The following ELP6 variants were observed in gnomAD, a reference collection of about 807,000 sequenced individuals.
The protein encoded by ELP6 is elongator acetyltransferase complex subunit 6.
ELP6 carries 23 observed loss-of-function variants against 28.1 expected under a neutral mutation model. The ratio of observed to expected loss-of-function variants is 0.82; its 90% CI spans 0.59 to 1.16. ELP6 has a LOEUF of 1.16. Ranked by LOEUF, ELP6 falls within the 50% of genes most tolerant of loss-of-function variation. The pLI, the probability that ELP6 is intolerant of heterozygous loss-of-function variation, is 0.00. For synonymous variants in ELP6, 132 were observed against 135.8 expected (o/e 0.97, Z 0.19); for missense variants, 313 against 334.6 (o/e 0.94, Z 0.50).
At chr3:47,496,225 G>A (rs199639559) in intron 6 of ELP6, 28 bp from the exon 7 acceptor site, 5 of 1,610,654 alleles carry the variant, frequency 3.1e-6, no homozygotes, top group Non-Finnish European at 3.4e-6. Context: ...AATGAAAGAG[G>A]AGCAGCCACC....
At chr3:47,498,115 A>G in intron 6 of ELP6, 171 bp downstream of exon 6, 1 of 1,359,666 alleles carries the variant, frequency 7.4e-7, no homozygotes, top group Non-Finnish European at 9.9e-7. Flanking sequence ...CATGAGGCTA[A>G]GCGCAATCTG....
chr3:47,499,100 G>A (rs1029917224), intron 5 of ELP6, among the ~76,000 whole-genome samples: 3 of 152,354 alleles, frequency 2.0e-5, no homozygotes, highest in East Asian at 3.9e-4. Context: ...AAAGCTGGCC[G>A]GGGACAGTGG....
chr3:47,495,908 A>C lies in ELP6; in HGVS notation c.*161T>G. 1 of 1,230,234 alleles carries C rather than the reference A, an allele frequency of 8.1e-7. No homozygotes were observed. The highest frequency in any genetic ancestry group is 1.1e-6 in the Non-Finnish European group (1 of 898,326). 76.2% of individuals were successfully genotyped at this position (1,230,234 alleles called of 1,614,324 possible). A position where few individuals can be genotyped will look rare whatever the true frequency, so the allele number is the denominator to read the frequency against. On this transcript the variant is annotated 3_prime_UTR_variant, in exon 7 of 7. Coordinates refer to ENST00000296149, the MANE Select transcript of ELP6 (RefSeq NM_001031703.3). ...TTTCTGAACAGGGCCCAGGGCAGCC[A>C]AGGCATGCCATCACTGCAGCACTCA...
intron 3 of ELP6, among the ~76,000 whole-genome samples, chr3:47,508,540 A>C (rs778704788): frequency 1.3e-5 from 2 of 152,196 alleles, no homozygotes; most frequent in Non-Finnish European, 2.9e-5. Context: ...GGTTTTATCA[A>C]ATGCTTTTTT....
At chr3:47,513,025 C>T (rs1457101816) in intron 1 of ELP6, 32 of 980,936 alleles carry the variant, frequency 3.3e-5, no homozygotes, top group Non-Finnish European at 3.7e-5. Context: ...GAGTCCCGCT[C>T]TGTCGCCCAG....
Position 47,513,594 on chromosome 3 carries a change from G to A in ELP6, c.-4C>T, listed in dbSNP as rs369746715. On this transcript the variant is annotated 5_prime_UTR_variant, in exon 1 of 7. Transcript: ENST00000296149. ...GGTTATTAAGTTCCACGAACATTCC[G>A]AGCTCCTGGGACTAGCGCTCTGGAG... 4 of 1,613,290 alleles carry A rather than the reference G, an allele frequency of 2.5e-6. No homozygotes were observed. Among genetic ancestry groups the A allele is most frequent in the South Asian group, 1.1e-5 (1 of 90,950 alleles).
At chr3:47,499,319 C>T (rs1286336355) in intron 5 of ELP6, among the ~76,000 whole-genome samples, 2 of 152,058 alleles carry the variant, frequency 1.3e-5, no homozygotes, top group African/African-American at 4.8e-5. Flanking sequence ...GAGATCAAGA[C>T]CAGCCTAGCC....
chr3:47,511,501 C>T (rs999132186), intron 1 of ELP6: 1 of 1,218,852 alleles, frequency 8.2e-7, no homozygotes, highest in East Asian at 4.4e-5. Context: ...TATTTCTCTT[C>T]CTCACTTCTC....
At position 47,513,303 on chromosome 3, in the gene ELP6, AC is replaced by A. The variant is rs1362550755; in HGVS notation, c.54+233del. The A allele has an allele frequency of 3.0e-5, 40 of 1,348,758 alleles. No individual in the cohort carries two copies. In the Middle Eastern group the frequency reaches 8.3e-4, roughly 28 times the overall value. The allele number at this position is 1,348,758 out of a possible 1,614,324, so 83.5% of individuals were successfully genotyped here. A position where few individuals can be genotyped will look rare whatever the true frequency, so the allele number is the denominator to read the frequency against. On this transcript the variant is annotated intron_variant, in intron 1 of 6. Transcript: ENST00000296149. ...CACCGCGCCCGGCCGCTTCCCAGGGACTTTTAAGGACACGCACAGCCGTTGA... is the reference window on the plus strand; with the variant it reads ...CACCGCGCCCGGCCGCTTCCCAGGGATTTTAAGGACACGCACAGCCGTTGA...
chr3:47,496,965 C>T lies in ELP6; in HGVS notation c.673-768G>A, dbSNP rs181890526. ...GGGTCTGGCTGAAGAGAGGCCACAG[C>T]TGCCCAGCAGCACCTTCTCCTCAGG... On this transcript the variant is annotated intron_variant, in intron 6 of 6. Coordinates refer to ENST00000296149, the MANE Select transcript of ELP6 (RefSeq NM_001031703.3). 2.3e-4 allele frequency: 225 copies of T among 985,466 alleles called. 3 individuals carry two copies. In the African/African-American group the frequency reaches 3.6e-3, roughly 16 times the overall value. The allele number at this position is 985,466 out of a possible 1,614,324, so 61.0% of individuals were successfully genotyped here.
At chr3:47,497,719 A>G (rs1471622854) in intron 6 of ELP6, among the ~76,000 whole-genome samples, 2 of 150,514 alleles carry the variant, frequency 1.3e-5, no homozygotes, top group Non-Finnish European at 3.0e-5. Flanking sequence ...TCACGAGGTC[A>G]GGAATTCAAG....
In ELP6 at chr3:47,513,695, G is replaced by C. The variant is rs1465538478; in HGVS notation, c.-105C>G. 2.1e-6 allele frequency: 3 copies of C among 1,442,928 alleles called. No individual in the cohort carries two copies. Among genetic ancestry groups the C allele is most frequent in the South Asian group, 2.4e-5 (2 of 83,144 alleles). 89.4% of individuals were successfully genotyped at this position (1,442,928 alleles called of 1,614,324 possible). On this transcript the variant is annotated 5_prime_UTR_variant, in exon 1 of 7. Coordinates refer to ENST00000296149, the MANE Select transcript of ELP6 (RefSeq NM_001031703.3). The stretch of plus-strand genomic sequence containing the variant: ...CCGACAGCCCGGCTCGCGCAAGGAA[G>C]CGCGCATGCGCAATGCCACTTTTGC...
chr3:47,513,326 T>C (rs903771896), intron 1 of ELP6: 12 of 1,384,858 alleles, frequency 8.7e-6, no homozygotes, highest in Non-Finnish European at 1.0e-5. Context: ...CGCACAGCCG[T>C]TGAGAATATG....
chr3:47,496,244 T>C lies in ELP6; in HGVS notation c.673-47A>G, dbSNP rs771467799. The C allele has an allele frequency of 3.1e-5, 49 of 1,599,588 alleles. 1 individual carries two copies. The highest frequency in any genetic ancestry group is 4.1e-5 in the Non-Finnish European group (48 of 1,174,748). On this transcript the variant is annotated intron_variant, in intron 6 of 6. Transcript: ENST00000296149. The stretch of plus-strand genomic sequence containing the variant: ...AAAGAGGAGCAGCCACCCCAGGACC[T>C]GCTCCACTGGGAACCCCACCCTACC...
At chr3:47,510,532 A>G (rs1280526314) in intron 2 of ELP6, among the ~76,000 whole-genome samples, 2 of 152,146 alleles carry the variant, frequency 1.3e-5, no homozygotes, top group African/African-American at 4.8e-5. Context: ...AGAGTGGCAC[A>G]ATCATGGCTC....
At position 47,495,829 on chromosome 3, in the gene ELP6, G is replaced by T; in HGVS notation, c.*240C>A. 1.9e-6 allele frequency: 1 copy of T among 524,790 alleles called. No individual in the cohort carries two copies. The highest frequency in any genetic ancestry group is 3.1e-6 in the Non-Finnish European group (1 of 320,292). The allele number at this position is 524,790 out of a possible 1,614,324, so 32.5% of individuals were successfully genotyped here. ...AGGCTCCAAAGGACCCCTTTCACTT[G>T]GGTCTAGCATCCAGCCTCTCTCTCA... On this transcript the variant is annotated 3_prime_UTR_variant, in exon 7 of 7. Coordinates refer to ENST00000296149, the MANE Select transcript of ELP6 (RefSeq NM_001031703.3).
intron 6 of ELP6, among the ~76,000 whole-genome samples, chr3:47,497,548 G>T (rs1708513764): frequency 6.6e-6 from 1 of 151,762 alleles, no homozygotes; most frequent in South Asian, 2.1e-4. Context: ...TGTTGGCCAG[G>T]CTGGTCTCGA....
chr3:47,498,383 T>C lies in ELP6; in HGVS notation c.575A>G (p.Glu192Gly), dbSNP rs767727306. The change falls in exon 6 of 7, where the codon GAG becomes GGG. Residue 192 changes from glutamate to glycine, a missense_variant. Coordinates refer to ENST00000296149, the MANE Select transcript of ELP6 (RefSeq NM_001031703.3). ...GAGGCCATTCAGCAGGATGTCATTC[T>C]CCTCATCCTCCGCATCTCCACTGTC... ...VHDSGDAEDEENDILLNGLSH... is the reference protein window; with the variant it reads ...VHDSGDAEDEGNDILLNGLSH... The C allele has an allele frequency of 1.9e-6, 3 of 1,613,626 alleles. No homozygotes were observed. In the South Asian group the frequency reaches 3.3e-5, roughly 18 times the overall value.
intron 2 of ELP6, 124 bp downstream of exon 2, chr3:47,511,024 C>T: frequency 1.3e-6 from 1 of 756,554 alleles, no homozygotes; most frequent in East Asian, 2.6e-5. Context: ...AATAGCCCCC[C>T]TAGGTATCCC....
Sources: allele counts gnomAD v4.1 joint callset (sites outside exome capture counted in the v4.1 genomes callset), GRCh38; gene constraint gnomAD v4.1.1; transcripts MANE v1.5; gene names NCBI Gene and HGNC (gene_info 2026-07-23, HGNC 2026-07-21).